LTBP1: variants seen among roughly 807,000 people sequenced by gnomAD.
LTBP1 encodes latent-transforming growth factor beta-binding protein 1.
A neutral mutation model predicts 207.6 loss-of-function variants in LTBP1; 129 were observed. That is an observed-to-expected ratio of 0.62 (90% CI 0.54 to 0.72). The LOEUF is 0.72. LTBP1 is among the 30% of genes least tolerant of loss of function. The probability of loss-of-function intolerance (pLI) is 0.00; values close to 1 mark genes in which losing one functional copy is unlikely to be tolerated. For missense variants in LTBP1, 2,281 were observed against 2,217.2 expected (o/e 1.03, Z -0.58); for synonymous variants, 963 against 833.7 (o/e 1.16, Z -2.67).
At chr2:33,040,857 G>T (rs534671526) in intron 3 of LTBP1, among the ~76,000 whole-genome samples, 2 of 152,240 alleles carry the variant, frequency 1.3e-5, no homozygotes, top group East Asian at 3.9e-4. Context: ...TCTGAGGGAG[G>T]TTTGGTGGGA....
chr2:32,981,040 C>G (rs1682686433), intron 2 of LTBP1, among the ~76,000 whole-genome samples: 1 of 152,044 alleles, frequency 6.6e-6, no homozygotes, highest in Non-Finnish European at 1.5e-5. Flanking sequence ...TTTGATTATT[C>G]AATGCTTTGA....
chr2:32,981,679 C>T (rs188823168), intron 2 of LTBP1, among the ~76,000 whole-genome samples: 44 of 152,248 alleles, frequency 2.9e-4, no homozygotes, highest in African/African-American at 9.9e-4. Context: ...TCTCATAATT[C>T]CCATGTGTCA....
At chr2:33,305,471 G>T (rs1348800604) in intron 22 of LTBP1, among the ~76,000 whole-genome samples, 1 of 152,186 alleles carries the variant, frequency 6.6e-6, no homozygotes, top group Non-Finnish European at 1.5e-5. Context: ...TCGCTGGGAT[G>T]ATAACACTTA....
At chr2:33,146,778 C>A (rs960091379) in intron 5 of LTBP1, among the ~76,000 whole-genome samples, 1 of 152,176 alleles carries the variant, frequency 6.6e-6, no homozygotes, top group South Asian at 2.1e-4. Context: ...ACAACCAGAT[C>A]TTGTGAGAAC....
At chr2:33,144,856 G>C (rs2082891235) in intron 5 of LTBP1, among the ~76,000 whole-genome samples, 1 of 151,988 alleles carries the variant, frequency 6.6e-6, no homozygotes. Flanking sequence ...GGTGGAGAAA[G>C]AATAATTAAT....
chr2:32,986,124 C>T lies in LTBP1; in HGVS notation c.566-34785C>T, dbSNP rs189451030. 3.3e-5 allele frequency among the ~76,000 whole-genome samples: 5 copies of T among 152,090 alleles called. No homozygotes were observed. In the East Asian group the frequency reaches 5.8e-4, roughly 18 times the overall value. On this transcript the variant is annotated intron_variant, in intron 2 of 33. Coordinates refer to ENST00000404816, the MANE Select transcript of LTBP1 (RefSeq NM_206943.4). ...AATAAATCTCTCGTGTCTTTCTGAC[C>T]CTGTTGGATCAATTAGATGAGTGTT...
chr2:33,307,037 G>T (rs894198503), intron 22 of LTBP1, among the ~76,000 whole-genome samples: 1 of 152,118 alleles, frequency 6.6e-6, no homozygotes, highest in Non-Finnish European at 1.5e-5. Flanking sequence ...GCAGTGAGCC[G>T]AGATACACCG....
intron 3 of LTBP1, among the ~76,000 whole-genome samples, chr2:33,032,183 G>A (rs1402455433): frequency 6.6e-6 from 1 of 152,174 alleles, no homozygotes; most frequent in East Asian, 1.9e-4. Context: ...GAACAGGAAA[G>A]TAGGGGATAT....
intron 31 of LTBP1, among the ~76,000 whole-genome samples, chr2:33,385,490 T>C (rs1350851878): frequency 6.6e-6 from 1 of 152,266 alleles, no homozygotes; most frequent in Admixed American, 6.5e-5. Flanking sequence ...ATTTTCTTGA[T>C]GCTTCAAATT....
intron 22 of LTBP1, among the ~76,000 whole-genome samples, chr2:33,306,904 A>G (rs1021917573): frequency 1.3e-5 from 2 of 152,158 alleles, no homozygotes; most frequent in Non-Finnish European, 2.9e-5. Flanking sequence ...CTTGGCCAAC[A>G]TGGTGAAACC....
chr2:33,194,250 G>T (rs1431663255), intron 7 of LTBP1, among the ~76,000 whole-genome samples: 1 of 152,046 alleles, frequency 6.6e-6, no homozygotes, highest in Non-Finnish European at 1.5e-5. Flanking sequence ...CTCCCAAAGT[G>T]CTGGGGTTAC....
At chr2:33,100,109 T>C (rs1240515203) in intron 3 of LTBP1, among the ~76,000 whole-genome samples, 1 of 152,166 alleles carries the variant, frequency 6.6e-6, no homozygotes, top group Non-Finnish European at 1.5e-5. Context: ...AAAGGTTATG[T>C]CTGACATCTG....
chr2:33,071,715 C>G (rs994988633), intron 3 of LTBP1, among the ~76,000 whole-genome samples: 4 of 152,154 alleles, frequency 2.6e-5, no homozygotes, highest in African/African-American at 9.7e-5. Flanking sequence ...TAGTTACAGG[C>G]TGTTTTGGGC....
chr2:33,168,798 A>G (rs1218993584), intron 5 of LTBP1, among the ~76,000 whole-genome samples: 1 of 152,240 alleles, frequency 6.6e-6, no homozygotes, highest in Non-Finnish European at 1.5e-5. Context: ...ACAGCTACAC[A>G]GGCTATTATG....
intron 31 of LTBP1, among the ~76,000 whole-genome samples, chr2:33,377,926 G>T (rs935944233): frequency 6.6e-6 from 1 of 152,136 alleles, no homozygotes; most frequent in Non-Finnish European, 1.5e-5. Flanking sequence ...TGAGAACAGC[G>T]TGGGGGAAAC....
At chr2:33,020,697 A>G (rs1015352686) in intron 2 of LTBP1, among the ~76,000 whole-genome samples, 2 of 152,174 alleles carry the variant, frequency 1.3e-5, no homozygotes, top group African/African-American at 2.4e-5. Flanking sequence ...ATTTGTTTAT[A>G]TATTTTAGAA....
intron 9 of LTBP1, among the ~76,000 whole-genome samples, chr2:33,225,137 C>A (rs1192716335): frequency 6.6e-5 from 10 of 151,942 alleles, no homozygotes; most frequent in African/African-American, 2.4e-4. Context: ...TATTTTTTAT[C>A]AGCATATAAT....
chr2:33,390,966 T>C (rs1250885366), intron 32 of LTBP1, among the ~76,000 whole-genome samples: 1 of 152,142 alleles, frequency 6.6e-6, no homozygotes, highest in African/African-American at 2.4e-5. Context: ...TTAGGATCTA[T>C]TTCAGTTCTG....
chr2:33,110,019 G>A (rs747761617), intron 3 of LTBP1, among the ~76,000 whole-genome samples: 11 of 152,076 alleles, frequency 7.2e-5, no homozygotes, highest in African/African-American at 2.7e-4. Flanking sequence ...TACTTTCTTC[G>A]CTATTTCCCC....
Sources: gnomAD v4.1 joint callset for allele counts (sites outside exome capture counted in the v4.1 genomes callset) on GRCh38, gnomAD v4.1.1 for gene constraint, MANE v1.5 for transcripts, NCBI Gene and HGNC (gene_info 2026-07-23, HGNC 2026-07-21) for gene names.